DPP6: variants seen among roughly 807,000 people sequenced by gnomAD.
DPP6 encodes dipeptidyl peptidase like 6.
A neutral mutation model predicts 122.6 loss-of-function variants in DPP6; 69 were observed. The observed-to-expected ratio is 0.56, with a 90% CI of 0.46 to 0.69. The LOEUF is 0.69. DPP6 is among the 30% of genes least tolerant of loss of function. The pLI is 0.00. For synonymous variants in DPP6, 418 were observed against 433.1 expected, an observed-to-expected ratio of 0.97 and a Z score of 0.43; for missense variants, 928 against 1,116.9, an observed-to-expected ratio of 0.83 and a Z score of 2.41.
At chr7:154,575,060 GTT>G (rs1831463221) in intron 5 of DPP6, among the ~76,000 whole-genome samples, 5 of 110,564 alleles carry the variant, frequency 4.5e-5, no homozygotes, top group East Asian at 8.8e-4. Context: ...TGTGTGGTGT[GTT>G]TGGTGTGTTG....
intron 21 of DPP6, among the ~76,000 whole-genome samples, chr7:154,881,617 A>T (rs1427972237): frequency 6.6e-6 from 1 of 152,184 alleles, no homozygotes. Context: ...CAGGCCCTGC[A>T]GAGGAGGCCT....
At chr7:154,881,021 T>A in intron 21 of DPP6, 79 bp downstream of exon 21, 1 of 1,522,416 alleles carries the variant, frequency 6.6e-7, no homozygotes, top group Non-Finnish European at 8.8e-7. Flanking sequence ...AATCCTGATT[T>A]ATTGAGAACG....
chr7:153,803,494 T>A, the DPP6 span, among the ~76,000 whole-genome samples: 1 of 151,994 alleles, frequency 6.6e-6, no homozygotes, highest in South Asian at 2.1e-4. Context: ...TCACCTCATC[T>A]TCTCTAGCCC....
chr7:154,043,555 G>A (rs997868688), intron 1 of DPP6, among the ~76,000 whole-genome samples: 3 of 150,986 alleles, frequency 2.0e-5, no homozygotes, highest in Non-Finnish European at 4.4e-5. Context: ...TCATGAGTTC[G>A]GTATTCCATC....
chr7:153,784,010 CT>C, the DPP6 span, among the ~76,000 whole-genome samples: 3 of 152,208 alleles, frequency 2.0e-5, no homozygotes, highest in Non-Finnish European at 4.4e-5. Context: ...GTGTTAGCCC[CT>C]AATGCTATAC....
chr7:154,287,885 G>A (rs369025689), intron 1 of DPP6, among the ~76,000 whole-genome samples: 39 of 152,306 alleles, frequency 2.6e-4, no homozygotes, highest in Admixed American at 7.2e-4. Context: ...TACTAGAGGC[G>A]ATGGGGCAGG....
At chr7:154,052,327 G>C (rs1490350855), upstream of DPP6, 1 of 152,912 alleles carries the variant, frequency 6.5e-6, no homozygotes, top group Admixed American at 6.5e-5. This position sits in a 1 kb window ranked among gnomAD's most constrained non-coding sequence, Gnocchi z 4.8. Context: ...CGGTGGGGAA[G>C]GGGGCGGAGG....
At chr7:154,809,452 T>A (rs1414950607) in intron 16 of DPP6, among the ~76,000 whole-genome samples, 1 of 152,150 alleles carries the variant, frequency 6.6e-6, no homozygotes, top group Non-Finnish European at 1.5e-5. Context: ...CATGAGCGGG[T>A]TTCATCCTTG....
intron 6 of DPP6, among the ~76,000 whole-genome samples, chr7:154,645,485 C>T (rs911639275): frequency 3.9e-5 from 6 of 152,154 alleles, no homozygotes; most frequent in African/African-American, 1.2e-4. Flanking sequence ...TTCTATCCCT[C>T]CCTCCTGCTG....
At chr7:154,428,232 TTGAAAAGTCAG>T (rs1818070322) in intron 1 of DPP6, among the ~76,000 whole-genome samples, 2 of 152,202 alleles carry the variant, frequency 1.3e-5, no homozygotes, top group Non-Finnish European at 2.9e-5. Context: ...TTAAAAAACC[TTGAAAAGTCAG>T]AAATCAGTTA....
At chr7:153,878,501 A>T in the DPP6 span, among the ~76,000 whole-genome samples, 1 of 152,134 alleles carries the variant, frequency 6.6e-6, no homozygotes, top group Non-Finnish European at 1.5e-5. Flanking sequence ...CGAGTCTCCC[A>T]AGGGAGACAG....
At chr7:154,204,188 C>T (rs1397476637) in intron 1 of DPP6, among the ~76,000 whole-genome samples, 2 of 152,216 alleles carry the variant, frequency 1.3e-5, no homozygotes, top group Non-Finnish European at 2.9e-5. Flanking sequence ...CACAGAGTGG[C>T]ATGGGCATCC....
chr7:154,058,868 G>A (rs1337109353), intron 1 of DPP6: 3 of 141,816 alleles, frequency 2.1e-5, no homozygotes, highest in Non-Finnish European at 4.6e-5. Context: ...CATCGCAGGT[G>A]GGGAGGCACC....
At chr7:154,429,243 A>G (rs561388930) in intron 1 of DPP6, among the ~76,000 whole-genome samples, 10 of 152,076 alleles carry the variant, frequency 6.6e-5, no homozygotes, top group African/African-American at 2.2e-4. Context: ...GTTCTGGGAA[A>G]TCCATCCAGC....
the DPP6 span, among the ~76,000 whole-genome samples, chr7:153,776,280 GT>G: frequency 6.6e-6 from 1 of 152,182 alleles, no homozygotes; most frequent in Admixed American, 6.5e-5. Context: ...ATCCCCAAGT[GT>G]GGTGGGAGGG....
intron 1 of DPP6, among the ~76,000 whole-genome samples, chr7:154,441,656 A>G (rs961258574): frequency 6.6e-6 from 1 of 152,230 alleles, no homozygotes; most frequent in African/African-American, 2.4e-5. Flanking sequence ...ACAGGGATGC[A>G]TAACCTGACA....
At chr7:154,406,808 G>T (rs757958203) in intron 1 of DPP6, among the ~76,000 whole-genome samples, 1 of 152,102 alleles carries the variant, frequency 6.6e-6, no homozygotes, top group African/African-American at 2.4e-5. Flanking sequence ...TTAGCTCATG[G>T]TGATCAAATA....
At chr7:154,110,653 C>T (rs1806506789) in intron 1 of DPP6, among the ~76,000 whole-genome samples, 1 of 151,998 alleles carries the variant, frequency 6.6e-6, no homozygotes. Flanking sequence ...GGGTTTTCCA[C>T]AGGAACAGCC....
chr7:154,872,339 C>T (rs987910529), intron 18 of DPP6, among the ~76,000 whole-genome samples: 1 of 152,260 alleles, frequency 6.6e-6, no homozygotes, highest in African/African-American at 2.4e-5. Flanking sequence ...CTGCTGCTAG[C>T]GAGTGCCCGG....
Sources: allele counts gnomAD v4.1 joint callset (sites outside exome capture counted in the v4.1 genomes callset), GRCh38; gene constraint gnomAD v4.1.1; non-coding constraint Gnocchi (gnomAD v3.1); transcripts MANE v1.5; gene names NCBI Gene and HGNC (gene_info 2026-07-23, HGNC 2026-07-21).